Variants in HS3ST5 observed in about 807,000 individuals in gnomAD.
The protein encoded by HS3ST5 is heparan sulfate glucosamine 3-O-sulfotransferase 5.
A neutral mutation model predicts 25.4 loss-of-function variants in HS3ST5; 10 were observed. The ratio of observed to expected loss-of-function variants is 0.39; its 90% confidence interval spans 0.24 to 0.67. The LOEUF is 0.67. Ranked by LOEUF, HS3ST5 falls within the 30% of genes least tolerant of loss-of-function variation. HS3ST5 has a pLI of 0.44. For synonymous variants in HS3ST5, 170 were observed against 162.4 expected (o/e 1.05, Z -0.36); for missense variants, 324 against 420.7 (o/e 0.77, Z 2.01).
At chr6:114,298,966 T>TA (rs1431307831) in intron 1 of HS3ST5, among the ~76,000 whole-genome samples, 2 of 152,078 alleles carry the variant, frequency 1.3e-5, no homozygotes, top group African/African-American at 2.4e-5. Context: ...CTGGGCACCT[T>TA]AAAAAAAGAA....
At chr6:114,211,153 C>A (rs1781495620) in intron 2 of HS3ST5, among the ~76,000 whole-genome samples, 1 of 152,180 alleles carries the variant, frequency 6.6e-6, no homozygotes, top group African/African-American at 2.4e-5. Flanking sequence ...ATCATATGAG[C>A]TTTTAGGCAA....
chr6:114,110,899 T>C (rs749777725), intron 3 of HS3ST5, among the ~76,000 whole-genome samples: 4 of 152,230 alleles, frequency 2.6e-5, no homozygotes, highest in Non-Finnish European at 5.9e-5. Flanking sequence ...AATTTCATTC[T>C]CTTCAAAAAG....
intron 2 of HS3ST5, among the ~76,000 whole-genome samples, chr6:114,210,723 A>G (rs1241449693): frequency 6.6e-6 from 1 of 152,228 alleles, no homozygotes; most frequent in African/African-American, 2.4e-5. Context: ...ATTTGCAATG[A>G]GCAGTGATTG....
chr6:114,067,789 A>G (rs1773547461), intron 3 of HS3ST5, among the ~76,000 whole-genome samples: 1 of 152,176 alleles, frequency 6.6e-6, no homozygotes, highest in Admixed American at 6.5e-5. Context: ...TTTATTGAAG[A>G]TCTCAACTAA....
In HS3ST5 at chr6:114,159,093, C is replaced by T. The variant is rs181119243; in HGVS notation, c.-33+9258G>A. 1.5e-3 allele frequency among the ~76,000 whole-genome samples: 221 copies of T among 152,222 alleles called. 3 individuals are homozygous for T. The highest frequency in any genetic ancestry group is 5.0e-3 in the African/African-American group (209 of 41,538). On this transcript the variant is annotated intron_variant, in intron 3 of 4. Coordinates refer to ENST00000312719, the MANE Select transcript of HS3ST5 (RefSeq NM_153612.4). ...TGAGAGAAACCTAGAAATTATTTAC[C>T]CAATTCTTCCCAGTTATGTCTAATC...
At chr6:114,305,562 A>C (rs557986678) in intron 1 of HS3ST5, among the ~76,000 whole-genome samples, 47 of 141,998 alleles carry the variant, frequency 3.3e-4, no homozygotes, top group Non-Finnish European at 6.2e-4. Context: ...GGTATGCAGT[A>C]AAAGTATCTT....
chr6:114,251,607 A>G (rs1389914595), intron 1 of HS3ST5: 1 of 152,194 alleles, frequency 6.6e-6, no homozygotes, highest in Non-Finnish European at 1.5e-5. Context: ...GCCAGTAGGC[A>G]TATCTAATCT....
intron 2 of HS3ST5, among the ~76,000 whole-genome samples, chr6:114,184,806 C>G (rs781527485): frequency 1.3e-4 from 20 of 152,166 alleles, no homozygotes; most frequent in Non-Finnish European, 2.8e-4. Context: ...GAGTATAGAG[C>G]TAAAGATGAT....
intron 4 of HS3ST5, among the ~76,000 whole-genome samples, chr6:114,061,366 G>T (rs530594022): frequency 6.6e-6 from 1 of 152,174 alleles, no homozygotes; most frequent in Non-Finnish European, 1.5e-5. Context: ...ACACTTTCAG[G>T]GTAGGTAACA....
At chr6:114,199,950 A>G (rs9387196) in intron 2 of HS3ST5, among the ~76,000 whole-genome samples, 63,759 of 151,966 alleles carry the variant, frequency 0.42, 14,482 homozygotes, top group South Asian at 0.65. Flanking sequence ...ACGGTGGCTC[A>G]CGCCTGTGTT....
At chr6:114,281,492 G>A (rs1774106762) in intron 1 of HS3ST5, among the ~76,000 whole-genome samples, 2 of 151,886 alleles carry the variant, frequency 1.3e-5, no homozygotes, top group Admixed American at 6.6e-5. Flanking sequence ...TGTAGACTTC[G>A]GATTCCTTGT....
intron 3 of HS3ST5, chr6:114,084,701 TG>T: frequency 7.9e-7 from 1 of 1,265,266 alleles, no homozygotes; most frequent in African/African-American, 1.5e-5. Context: ...CCGTGGCTCC[TG>T]GAAGGCTGCC....
intron 1 of HS3ST5, among the ~76,000 whole-genome samples, chr6:114,260,978 GACA>G (rs1773145193): frequency 2.0e-5 from 3 of 152,122 alleles, no homozygotes; most frequent in Admixed American, 1.3e-4. Flanking sequence ...ATTTGAGGGA[GACA>G]ACAATGGCTG....
At chr6:114,311,709 A>G (rs1359511485) in intron 1 of HS3ST5, among the ~76,000 whole-genome samples, 4 of 151,742 alleles carry the variant, frequency 2.6e-5, no homozygotes, top group African/African-American at 9.7e-5. Context: ...CACCCGGCCA[A>G]TTTTTATATT....
At chr6:114,295,628 T>C (rs1774784206) in intron 1 of HS3ST5, among the ~76,000 whole-genome samples, 1 of 152,142 alleles carries the variant, frequency 6.6e-6, no homozygotes, top group Admixed American at 6.5e-5. Flanking sequence ...TCCTAATATC[T>C]GAAATAACAA....
At chr6:114,309,401 T>A (rs930790426) in intron 1 of HS3ST5, among the ~76,000 whole-genome samples, 1 of 152,204 alleles carries the variant, frequency 6.6e-6, no homozygotes, top group Non-Finnish European at 1.5e-5. Context: ...AATTCAGTAG[T>A]AACCACAGGT....
At chr6:114,327,890 T>G (rs1271114383) in intron 1 of HS3ST5, among the ~76,000 whole-genome samples, 1 of 152,208 alleles carries the variant, frequency 6.6e-6, no homozygotes, top group Admixed American at 6.6e-5. Flanking sequence ...CATCTACCTA[T>G]GCATTATGGA....
At position 114,057,977 on chromosome 6, in the gene HS3ST5, A is replaced by G; in HGVS notation, c.321T>C (p.Leu107=). The part of the protein sequence containing the change: ...GVRKGGTRAL[L]EMLNLHPAVV... Reference sequence around the variant, plus strand: ...CTGCCGGATGTAGGTTCAGCATTTCAAGCAGGGCCCTTGTGCCTCCTTTCC... The same window carrying G: ...CTGCCGGATGTAGGTTCAGCATTTCGAGCAGGGCCCTTGTGCCTCCTTTCC... Residue 107 remains leucine, a synonymous_variant, in exon 5 of 5, where the codon CTT becomes CTC. Transcript: ENST00000312719. The G allele has an allele frequency of 6.2e-7, 1 of 1,614,170 alleles. No homozygotes were observed.
At chr6:114,132,509 T>G (rs1046712810) in intron 3 of HS3ST5, among the ~76,000 whole-genome samples, 1 of 152,182 alleles carries the variant, frequency 6.6e-6, no homozygotes, top group African/African-American at 2.4e-5. Context: ...AGGGCAGGCA[T>G]TTTCCAGAAA....
Sources: allele counts gnomAD v4.1 joint callset (sites outside exome capture counted in the v4.1 genomes callset), GRCh38; gene constraint gnomAD v4.1.1; transcripts MANE v1.5; gene names NCBI Gene and HGNC (gene_info 2026-07-23, HGNC 2026-07-21).